KIF15: variants seen among roughly 807,000 people sequenced by gnomAD.
KIF15 encodes the protein kinesin family member 15, also known as kinesin-like protein KIF15.
A neutral mutation model predicts 190.6 loss-of-function variants in KIF15; 140 were observed. That is an observed-to-expected ratio of 0.73 (90% CI 0.64 to 0.84). The LOEUF is 0.84. Among genes scored for constraint, KIF15 ranks in the 40% least tolerant of loss-of-function variants. The pLI, the probability that KIF15 is intolerant of heterozygous loss-of-function variation, is 0.00. For missense variants in KIF15, 1,372 were observed against 1,584.4 expected, an observed-to-expected ratio of 0.87 and a Z score of 2.28; for synonymous variants, 528 against 551.3, an observed-to-expected ratio of 0.96 and a Z score of 0.59.
intron 26 of KIF15, among the ~76,000 whole-genome samples, chr3:44,834,919 C>T (rs371209277): frequency 6.6e-6 from 1 of 150,680 alleles, no homozygotes; most frequent in Non-Finnish European, 1.5e-5. Context: ...GGCGACAGAG[C>T]GATACTCCAT....
At chr3:44,802,096 G>C (rs1707303439) in intron 13 of KIF15, 122 bp downstream of exon 13, 1 of 646,386 alleles carries the variant, frequency 1.5e-6, no homozygotes, top group African/African-American at 1.8e-5. Context: ...TCTTCTGACA[G>C]TGTGATTGCA....
chr3:44,836,125 T>C (rs1370760154), intron 26 of KIF15, among the ~76,000 whole-genome samples: 1 of 152,068 alleles, frequency 6.6e-6, no homozygotes, highest in Non-Finnish European at 1.5e-5. Flanking sequence ...GGCAGGTGGA[T>C]CACTTGAGGC....
At position 44,788,461 on chromosome 3, in the gene KIF15, C is replaced by CT. The variant is rs1338433952; in HGVS notation, c.639+1897dup. Among the ~76,000 whole-genome samples the CT allele has an allele frequency of 6.0e-3, 876 of 146,070 alleles. 6 individuals carry two copies. The highest frequency in any genetic ancestry group is 0.02 in the African/African-American group (797 of 40,016). ...ATTCCTTTTTTCTTTTTTTCTTTTTCTTTTTTTTTTGAGACAGGGTCTCGC... is the reference window on the plus strand; with the variant it reads ...ATTCCTTTTTTCTTTTTTTCTTTTTCTTTTTTTTTTTGAGACAGGGTCTCGC... On this transcript the variant is annotated intron_variant, in intron 7 of 34. Coordinates refer to ENST00000326047, the MANE Select transcript of KIF15 (RefSeq NM_020242.3).
At chr3:44,772,247 G>A (rs1481431962) in intron 1 of KIF15, among the ~76,000 whole-genome samples, 1 of 152,142 alleles carries the variant, frequency 6.6e-6, no homozygotes, top group Non-Finnish European at 1.5e-5. Flanking sequence ...GTAGTTTCTA[G>A]GGCCTAGTAA....
In KIF15 at chr3:44,805,900, A is replaced by G; in HGVS notation, c.1885A>G (p.Asn629Asp). ...TCAGTCTTTGCAAAAAGCGAACCTTAATCTTGAAAACCTTTTGGAAGCAAC... is the reference window on the plus strand; with the variant it reads ...TCAGTCTTTGCAAAAAGCGAACCTTGATCTTGAAAACCTTTTGGAAGCAAC... Reference protein sequence around the residue: ...ELQSLQKANLNLENLLEATKA... With the variant: ...ELQSLQKANLDLENLLEATKA... Residue 629 changes from asparagine to aspartate, a missense_variant, in exon 16 of 35, where the codon AAT becomes GAT. Coordinates refer to ENST00000326047, the MANE Select transcript of KIF15 (RefSeq NM_020242.3). 2.5e-6 allele frequency: 4 copies of G among 1,614,168 alleles called. No homozygotes were observed. Among genetic ancestry groups the G allele is most frequent in the Non-Finnish European group, 3.4e-6 (4 of 1,180,024 alleles).
intron 20 of KIF15, among the ~76,000 whole-genome samples, chr3:44,820,557 C>T (rs879653819): frequency 2.0e-5 from 3 of 151,974 alleles, no homozygotes; most frequent in South Asian, 2.1e-4. Flanking sequence ...TGACTCTTAA[C>T]GAGCATGCTG....
intron 10 of KIF15, chr3:44,799,136 A>G (rs1707134472): frequency 7.6e-6 from 3 of 394,674 alleles, no homozygotes; most frequent in African/African-American, 2.1e-5. Context: ...AACTGCAGCA[A>G]TAATTAGAAT....
intron 11 of KIF15, among the ~76,000 whole-genome samples, chr3:44,801,211 G>C (rs555070308): frequency 6.3e-4 from 92 of 145,090 alleles, no homozygotes; most frequent in African/African-American, 2.1e-3. Flanking sequence ...GGGGCGGCGG[G>C]AGGGGGGGGT....
intron 7 of KIF15, among the ~76,000 whole-genome samples, chr3:44,792,929 C>T (rs1706788372): frequency 6.6e-6 from 1 of 152,086 alleles, no homozygotes; most frequent in African/African-American, 2.4e-5. Flanking sequence ...TTTCAATATG[C>T]CCTTTGAGAT....
Position 44,864,099 on chromosome 3 carries a change from G to T in KIF15, c.*60-9230G>T, listed in dbSNP as rs1182403560. The T allele has an allele frequency of 8.7e-6, 13 of 1,500,642 alleles. No homozygotes were observed. In the East Asian group the frequency reaches 2.7e-4, roughly 31 times the overall value. The allele number at this position is 1,500,642 out of a possible 1,614,324, so 93.0% of individuals were successfully genotyped here. On this transcript the variant is annotated intron_variant and NMD_transcript_variant, in intron 6 of 6. Transcript: ENST00000422209. The stretch of plus-strand genomic sequence containing the variant: ...GAGCTGTAGTGGGAGCTCAGTAGGA[G>T]CCTGGGTGCCAGCAACCACAGTCCT...
chr3:44,843,862 A>T (rs1162317105), intron 30 of KIF15, among the ~76,000 whole-genome samples: 2 of 152,206 alleles, frequency 1.3e-5, no homozygotes, highest in Admixed American at 1.3e-4. Flanking sequence ...CAATAAAATG[A>T]AGAAAATGTT....
In KIF15 at chr3:44,852,688, C is replaced by A; in HGVS notation, c.4120C>A (p.Arg1374Ser). ...VRLAEETEKL[R>S]AENVFLKEKK... ...AATTACTTAGGAGACAGAAAAGTTG[C>A]GTGCCGAAAATGTATTTTTAAAAGA... The change falls in exon 35 of 35, where the codon CGT (arginine) becomes AGT (serine). Residue 1374 changes from arginine to serine, a missense_variant. Physicochemically the swap from Arg to Ser is moderately radical, Grantham distance 110. Transcript: ENST00000326047. 3 of 1,594,286 alleles carry A rather than the reference C, an allele frequency of 1.9e-6. No homozygotes were observed. Among genetic ancestry groups the A allele is most frequent in the Non-Finnish European group, 2.6e-6 (3 of 1,173,130 alleles).
chr3:44,785,767 C>T (rs936633770), intron 6 of KIF15, among the ~76,000 whole-genome samples: 5 of 152,156 alleles, frequency 3.3e-5, no homozygotes, highest in African/African-American at 4.8e-5. Context: ...TCAAATAAAA[C>T]TTTATGAGGA....
intron 5 of KIF15, among the ~76,000 whole-genome samples, chr3:44,782,973 G>A (rs1010937912): frequency 1.6e-4 from 24 of 152,154 alleles, no homozygotes; most frequent in Non-Finnish European, 4.4e-5. Flanking sequence ...TGACATTATT[G>A]GAAGTGTTCT....
At chr3:44,827,325 C>A in intron 22 of KIF15, 134 bp from the exon 23 acceptor site, 1 of 623,982 alleles carries the variant, frequency 1.6e-6, no homozygotes, top group African/African-American at 1.8e-5. Flanking sequence ...TTCTGATCCC[C>A]CCGGAAGGTA....
intron 20 of KIF15, among the ~76,000 whole-genome samples, chr3:44,822,351 TAG>T (rs1032551650): frequency 1.3e-5 from 2 of 152,228 alleles, no homozygotes; most frequent in African/African-American, 4.8e-5. Context: ...TTCTGGCTTG[TAG>T]AGTTTCTGCT....
chr3:44,851,398 G>A (rs1209037501), intron 32 of KIF15, among the ~76,000 whole-genome samples: 1 of 152,220 alleles, frequency 6.6e-6, no homozygotes, highest in African/African-American at 2.4e-5. Context: ...TGAAAGAAAT[G>A]ACTGGTGTCC....
At position 44,761,876 on chromosome 3, in the gene KIF15, G is replaced by C. The variant is rs149795138; in HGVS notation, c.11G>C (p.Gly4Ala). ...AGGGGTGAGGGCGCTATGGCACCCG[G>C]CTGCAAAAGTAAGTCTGGGCCCCCG... MAP[G>A]CKTELRSVTN... Residue 4 changes from glycine (G) to alanine (A), a missense_variant, in exon 1 of 35, where the codon GGC becomes GCC. Physicochemically the swap from Gly to Ala is moderately conservative, Grantham distance 60 (BLOSUM62 0). Transcript: ENST00000326047. 6.2e-7 allele frequency: 1 copy of C among 1,614,192 alleles called. No individual in the cohort carries two copies. The highest frequency in any genetic ancestry group is 1.1e-5 in the South Asian group (1 of 91,086).
At chr3:44,763,137 C>A (rs564932148) in intron 1 of KIF15, among the ~76,000 whole-genome samples, 30 of 152,152 alleles carry the variant, frequency 2.0e-4, no homozygotes, top group Admixed American at 5.2e-4. Context: ...CTTTTCCACT[C>A]CTTTAAGTTT....
Sources: gnomAD v4.1 joint callset for allele counts (sites outside exome capture counted in the v4.1 genomes callset) on GRCh38, gnomAD v4.1.1 for gene constraint, MANE v1.5 for transcripts, NCBI Gene and HGNC (gene_info 2026-07-23, HGNC 2026-07-21) for gene names.